The following SLC35F4 variants were observed in gnomAD, a reference collection of about 807,000 sequenced individuals.
The protein encoded by SLC35F4 is chromosome 14 open reading frame 36.
In SLC35F4, 24 loss-of-function variants were observed where a neutral mutation model predicts 44.2. That is an observed-to-expected ratio of 0.54 (90% confidence interval 0.39 to 0.76). The LOEUF is 0.76. Among genes scored for constraint, SLC35F4 ranks in the 30% least tolerant of loss-of-function variants. The probability of loss-of-function intolerance (pLI) is 0.00; values close to 1 mark genes in which losing one functional copy is unlikely to be tolerated. For synonymous variants in SLC35F4, 238 were observed against 223.6 expected, an observed-to-expected ratio of 1.06 and a Z score of -0.57; for missense variants, 562 against 586.1, an observed-to-expected ratio of 0.96 and a Z score of 0.42.
chr14:57,639,406 C>T (rs894271085), intron 1 of SLC35F4, among the ~76,000 whole-genome samples: 1 of 151,956 alleles, frequency 6.6e-6, no homozygotes, highest in Non-Finnish European at 1.5e-5. Context: ...ATTTTCCCCA[C>T]CCCTATGTTA....
chr14:57,686,069 G>A (rs2075058139), intron 1 of SLC35F4, among the ~76,000 whole-genome samples: 2 of 152,140 alleles, frequency 1.3e-5, no homozygotes, highest in South Asian at 4.1e-4. Flanking sequence ...CTTGGTTCTT[G>A]GCTGTGTTTG....
chr14:57,619,097 G>A (rs2072028078), intron 1 of SLC35F4, among the ~76,000 whole-genome samples: 1 of 152,118 alleles, frequency 6.6e-6, no homozygotes, highest in Admixed American at 6.5e-5. Context: ...TAGGGAAAGG[G>A]GCAACTGTGG....
At chr14:57,817,509 C>T (rs1286823849) in intron 1 of SLC35F4, among the ~76,000 whole-genome samples, 6 of 152,090 alleles carry the variant, frequency 3.9e-5, no homozygotes, top group African/African-American at 1.4e-4. Context: ...GGCTGCACCA[C>T]AGCCTGAGGA....
intron 1 of SLC35F4, among the ~76,000 whole-genome samples, chr14:57,881,156 T>C (rs1336342793): frequency 1.3e-5 from 2 of 152,212 alleles, no homozygotes; most frequent in Non-Finnish European, 2.9e-5. Flanking sequence ...CATTTTTCCC[T>C]TAAACATACT....
chr14:57,682,374 C>G (rs2074934436), intron 1 of SLC35F4, among the ~76,000 whole-genome samples: 1 of 152,146 alleles, frequency 6.6e-6, no homozygotes, highest in South Asian at 2.1e-4. Context: ...ATCTGTCATT[C>G]TCAGGAAACT....
chr14:57,958,740 G>T (rs73304496), intron 1 of SLC35F4, among the ~76,000 whole-genome samples: 3 of 152,124 alleles, frequency 2.0e-5, no homozygotes, highest in South Asian at 2.1e-4. Flanking sequence ...AATACCAAGC[G>T]CTGAGTAGGA....
At chr14:57,976,283 T>G (rs1184913352), downstream of SLC35F4, among the ~76,000 whole-genome samples, 1 of 152,218 alleles carries the variant, frequency 6.6e-6, no homozygotes, top group Non-Finnish European at 1.5e-5. Flanking sequence ...TCTGCGCTAC[T>G]TGAAAAGCAA....
chr14:57,799,213 C>G (rs1361971821), intron 1 of SLC35F4, among the ~76,000 whole-genome samples: 1 of 152,098 alleles, frequency 6.6e-6, no homozygotes, highest in Non-Finnish European at 1.5e-5. Flanking sequence ...CCAAAGAAAC[C>G]CCCACCCCCA....
intron 1 of SLC35F4, among the ~76,000 whole-genome samples, chr14:57,894,068 A>G (rs1888825668): frequency 6.6e-6 from 1 of 152,194 alleles, no homozygotes; most frequent in South Asian, 2.1e-4. Flanking sequence ...CGTAGAAGAT[A>G]GCAAATGGAG....
rs142921025 is a variant in SLC35F4 at position 57,635,362 on chromosome 14, G to A, written c.104-41238C>T. Among the ~76,000 whole-genome samples the A allele has an allele frequency of 1.5e-3, 233 of 152,152 alleles. No homozygotes were observed. The South Asian group carries it at 0.022, about 15-fold the overall frequency. ...GAGAGAGGAGTACTCACTGAAGTGCGGAGAGGGGTCGGAGGGAGACTAAGC... is the reference window on the plus strand; with the variant it reads ...GAGAGAGGAGTACTCACTGAAGTGCAGAGAGGGGTCGGAGGGAGACTAAGC... On this transcript the variant is annotated intron_variant, in intron 1 of 7. Coordinates refer to ENST00000556826, the MANE Select transcript of SLC35F4 (RefSeq NM_001306087.2).
intron 1 of SLC35F4, among the ~76,000 whole-genome samples, chr14:57,905,093 C>T: frequency 6.6e-6 from 1 of 152,142 alleles, no homozygotes; most frequent in Non-Finnish European, 1.5e-5. Flanking sequence ...TGGCTTGAGC[C>T]TCTCATGAGT....
chr14:57,755,355 G>T (rs2076972136), intron 1 of SLC35F4, among the ~76,000 whole-genome samples: 2 of 152,104 alleles, frequency 1.3e-5, no homozygotes, highest in African/African-American at 4.8e-5. Context: ...CCCCACTCCT[G>T]TCATAACCCA....
chr14:57,570,144 A>C (rs965009485), intron 5 of SLC35F4, among the ~76,000 whole-genome samples, 164 bp from the exon 6 acceptor site: 2 of 152,222 alleles, frequency 1.3e-5, no homozygotes, highest in African/African-American at 4.8e-5. Flanking sequence ...ATAAGGAATT[A>C]AAATACTCCA....
chr14:57,734,820 A>G (rs1265495908), intron 1 of SLC35F4, among the ~76,000 whole-genome samples: 1 of 152,192 alleles, frequency 6.6e-6, no homozygotes, highest in African/African-American at 2.4e-5. Flanking sequence ...CCACTGTCAT[A>G]TTTCAAGTTA....
At chr14:57,775,247 C>A (rs2077460579) in intron 1 of SLC35F4, among the ~76,000 whole-genome samples, 2 of 152,228 alleles carry the variant, frequency 1.3e-5, no homozygotes, top group African/African-American at 4.8e-5. Flanking sequence ...GCATGGAGGC[C>A]AGAACCCCAG....
At chr14:57,830,683 A>G (rs1050025308) in intron 1 of SLC35F4, among the ~76,000 whole-genome samples, 1 of 152,168 alleles carries the variant, frequency 6.6e-6, no homozygotes, top group Non-Finnish European at 1.5e-5. Flanking sequence ...CCTACCTTCA[A>G]TGGGAAAATG....
intron 1 of SLC35F4, among the ~76,000 whole-genome samples, chr14:57,634,955 C>A (rs190994716): frequency 6.6e-6 from 1 of 152,148 alleles, no homozygotes; most frequent in East Asian, 1.9e-4. Flanking sequence ...GATGAGTGAT[C>A]AAAAGTGTTA....
chr14:57,722,847 C>A (rs1489831833), intron 1 of SLC35F4, among the ~76,000 whole-genome samples: 1 of 152,118 alleles, frequency 6.6e-6, no homozygotes, highest in African/African-American at 2.4e-5. Context: ...GAATCATGGA[C>A]CCTCAATCAA....
At chr14:57,583,606 C>T (rs1198339228) in intron 3 of SLC35F4, among the ~76,000 whole-genome samples, 4 of 152,284 alleles carry the variant, frequency 2.6e-5, no homozygotes, top group Middle Eastern at 3.4e-3. Flanking sequence ...GCTGGGAAGA[C>T]GCTGCTGACT....
Sources: gnomAD v4.1 joint callset for allele counts (sites outside exome capture counted in the v4.1 genomes callset) on GRCh38, gnomAD v4.1.1 for gene constraint, MANE v1.5 for transcripts, NCBI Gene and HGNC (gene_info 2026-07-23, HGNC 2026-07-21) for gene names.